The following UNC13C variants were observed in gnomAD, a reference collection of about 807,000 sequenced individuals.
The protein encoded by UNC13C is unc-13 homolog C, also known as protein unc-13 homolog C.
UNC13C carries 174 observed loss-of-function variants against 245.4 expected under a neutral mutation model. The observed-to-expected ratio is 0.71, with a 90% CI of 0.63 to 0.80. UNC13C has a LOEUF of 0.80. UNC13C is among the 30% of genes least tolerant of loss of function. The probability of loss-of-function intolerance (pLI) is 0.00; values close to 1 mark genes in which losing one functional copy is unlikely to be tolerated. For synonymous variants in UNC13C, 992 were observed against 895.1 expected, an observed-to-expected ratio of 1.11 and a Z score of -1.93; for missense variants, 2,829 against 2,602.9, an observed-to-expected ratio of 1.09 and a Z score of -1.89.
intron 24 of UNC13C, among the ~76,000 whole-genome samples, chr15:54,515,594 T>G (rs999827601): frequency 6.6e-6 from 1 of 152,176 alleles, no homozygotes; most frequent in East Asian, 1.9e-4. Flanking sequence ...ATTTTGAAAC[T>G]CTAAAGAACT....
chr15:54,433,369 A>G (rs2040911567), intron 19 of UNC13C, among the ~76,000 whole-genome samples: 1 of 152,110 alleles, frequency 6.6e-6, no homozygotes, highest in African/African-American at 2.4e-5. Context: ...GCAGCACATC[A>G]ACAAGCTTAT....
intron 30 of UNC13C, among the ~76,000 whole-genome samples, chr15:54,584,453 C>A (rs553971303): frequency 6.6e-6 from 1 of 152,272 alleles, no homozygotes; most frequent in Admixed American, 6.5e-5. Flanking sequence ...CCTTTGTGAC[C>A]ATAACCTCCA....
At chr15:53,867,614 T>C in the UNC13C span, among the ~76,000 whole-genome samples, 1 of 152,194 alleles carries the variant, frequency 6.6e-6, no homozygotes, top group Non-Finnish European at 1.5e-5. Flanking sequence ...AGGGATGGGA[T>C]AGGATTGCGG....
At chr15:54,400,816 A>G (rs1044155450) in intron 18 of UNC13C, among the ~76,000 whole-genome samples, 2 of 152,152 alleles carry the variant, frequency 1.3e-5, no homozygotes, top group African/African-American at 4.8e-5. Flanking sequence ...TTTTTTACAT[A>G]TGTATACATG....
intron 29 of UNC13C, among the ~76,000 whole-genome samples, chr15:54,559,639 G>A (rs1317464629): frequency 2.0e-5 from 3 of 151,958 alleles, no homozygotes; most frequent in African/African-American, 7.2e-5. Context: ...AAGGATGGGG[G>A]AGGGCAGAGA....
intron 30 of UNC13C, among the ~76,000 whole-genome samples, chr15:54,583,775 T>C (rs902553815): frequency 2.0e-5 from 3 of 152,226 alleles, no homozygotes; most frequent in Non-Finnish European, 2.9e-5. Flanking sequence ...TTGTTTGTAA[T>C]GCGGCCCATT....
intron 4 of UNC13C, among the ~76,000 whole-genome samples, chr15:54,223,084 A>G (rs1332662608): frequency 6.6e-6 from 1 of 152,118 alleles, no homozygotes; most frequent in Non-Finnish European, 1.5e-5. Context: ...GCTGTGCAGA[A>G]GCTTTTAAAG....
intron 2 of UNC13C, among the ~76,000 whole-genome samples, chr15:54,043,497 C>A (rs1009983847): frequency 6.6e-6 from 1 of 152,166 alleles, no homozygotes; most frequent in South Asian, 2.1e-4. Flanking sequence ...CTGTAGGATT[C>A]TGTCTTCTCT....
At chr15:54,211,648 G>T (rs957704708) in intron 4 of UNC13C, among the ~76,000 whole-genome samples, 1 of 151,988 alleles carries the variant, frequency 6.6e-6, no homozygotes, top group Non-Finnish European at 1.5e-5. Flanking sequence ...AACACCAAAA[G>T]TTCACTCCCC....
At chr15:54,408,136 G>GC (rs749190710) in intron 18 of UNC13C, among the ~76,000 whole-genome samples, 9 of 140,276 alleles carry the variant, frequency 6.4e-5, no homozygotes, top group South Asian at 2.4e-4. Flanking sequence ...GAGAGGCGGA[G>GC]TTGCAGTAAG....
intron 18 of UNC13C, among the ~76,000 whole-genome samples, chr15:54,410,284 T>TTA (rs1479936231): frequency 6.6e-6 from 1 of 152,220 alleles, no homozygotes; most frequent in East Asian, 1.9e-4. Context: ...CTTTGCCAGA[T>TTA]GTATAGTTTG....
Position 54,087,481 on chromosome 15 carries a change from C to T in UNC13C, c.2984-55537C>T, listed in dbSNP as rs372660812. Among the ~76,000 whole-genome samples the T allele has an allele frequency of 5.3e-4, 81 of 152,330 alleles. 1 individual carries two copies. Among genetic ancestry groups the T allele is most frequent in the African/African-American group, 1.9e-3 (80 of 41,580 alleles). On this transcript the variant is annotated intron_variant, in intron 2 of 32. Transcript: ENST00000260323. Reference sequence around the variant, plus strand: ...ATATTTCACTCATCTTTACCCACTTCTATCTTTATTATGATGTGATTATTT... The same window carrying T: ...ATATTTCACTCATCTTTACCCACTTTTATCTTTATTATGATGTGATTATTT...
chr15:54,467,923 G>A (rs966043047), intron 19 of UNC13C, among the ~76,000 whole-genome samples: 1 of 151,614 alleles, frequency 6.6e-6, no homozygotes, highest in African/African-American at 2.4e-5. Flanking sequence ...TGGGAGTGTA[G>A]ATGTAGATAT....
intron 18 of UNC13C, among the ~76,000 whole-genome samples, chr15:54,403,401 G>A (rs1003845466): frequency 1.3e-5 from 2 of 151,912 alleles, no homozygotes; most frequent in African/African-American, 4.8e-5. Context: ...GCAAGATCCT[G>A]TCTCTGACAT....
chr15:54,154,458 A>T (rs1319028244), intron 4 of UNC13C, among the ~76,000 whole-genome samples: 1 of 152,224 alleles, frequency 6.6e-6, no homozygotes, highest in Admixed American at 6.5e-5. Flanking sequence ...AGATCTTAGC[A>T]TATTACAACA....
chr15:54,433,725 T>C (rs887232748), intron 19 of UNC13C, among the ~76,000 whole-genome samples: 1 of 152,064 alleles, frequency 6.6e-6, no homozygotes, highest in South Asian at 2.1e-4. Flanking sequence ...TATTGGAAGT[T>C]CTGGCCAGGG....
intron 30 of UNC13C, among the ~76,000 whole-genome samples, chr15:54,620,290 AT>A: frequency 6.6e-6 from 1 of 152,136 alleles, no homozygotes; most frequent in African/African-American, 2.4e-5. Context: ...GGGTGTATAA[AT>A]GGAAGACCGC....
the UNC13C span, among the ~76,000 whole-genome samples, chr15:53,942,579 AG>A: frequency 2.6e-5 from 4 of 151,902 alleles, no homozygotes; most frequent in East Asian, 7.7e-4. Flanking sequence ...AAAAAAAAAA[AG>A]AATTAGTTCA....
intron 19 of UNC13C, 124 bp from the exon 20 acceptor site, chr15:54,494,484 A>G (rs1893862587): frequency 1.1e-6 from 1 of 919,896 alleles, no homozygotes; most frequent in Non-Finnish European, 1.5e-6. Context: ...GCAATTCATT[A>G]TACCTTTACA....
Sources: allele counts gnomAD v4.1 joint callset (sites outside exome capture counted in the v4.1 genomes callset), GRCh38; gene constraint gnomAD v4.1.1; transcripts MANE v1.5; gene names NCBI Gene and HGNC (gene_info 2026-07-23, HGNC 2026-07-21).